The following TMEM17 variants were observed in gnomAD, a reference collection of about 807,000 sequenced individuals.
TMEM17 encodes the protein transmembrane protein 17.
In TMEM17, 15 loss-of-function variants were observed where a neutral mutation model predicts 19.1. The observed-to-expected ratio is 0.78, with a 90% CI of 0.52 to 1.21. The LOEUF is 1.21. Ranked by LOEUF, TMEM17 falls within the 50% of genes most tolerant of loss-of-function variation. The pLI is 0.00. For missense variants in TMEM17, 245 were observed against 242.3 expected (o/e 1.01, Z -0.07); for synonymous variants, 103 against 86.9 (o/e 1.19, Z -1.03).
At chr2:62,504,851 A>G (rs1207764026) in intron 1 of TMEM17, among the ~76,000 whole-genome samples, 1 of 152,230 alleles carries the variant, frequency 6.6e-6, no homozygotes, top group Non-Finnish European at 1.5e-5. Flanking sequence ...TTTTATTGGA[A>G]CACAGCCCTG....
chr2:62,477,760 T>C, the TMEM17 span, among the ~76,000 whole-genome samples: 1 of 152,226 alleles, frequency 6.6e-6, no homozygotes, highest in Non-Finnish European at 1.5e-5. Context: ...ACTTGACCCT[T>C]GGAATGACTG....
At chr2:62,458,846 C>T in the TMEM17 span, among the ~76,000 whole-genome samples, 1 of 152,164 alleles carries the variant, frequency 6.6e-6, no homozygotes. Flanking sequence ...TGTTTGTCCT[C>T]TCTAATCAAA....
At position 62,506,012 on chromosome 2, in the gene TMEM17, C is replaced by T. The variant is rs532559836; in HGVS notation, c.100+18G>A. On this transcript the variant is annotated intron_variant, in intron 1 of 3. Coordinates refer to ENST00000335390, the MANE Select transcript of TMEM17 (RefSeq NM_198276.3). ...CCTCGGCAGGCCACACCCCCTGCAC[C>T]GGGCCTCGGTCACTCACCCGGACCC... The T allele has an allele frequency of 6.3e-6, 10 of 1,599,118 alleles. No homozygotes were observed. In the African/African-American group the frequency reaches 1.2e-4, roughly 19 times the overall value.
At chr2:62,469,397 C>T in the TMEM17 span, among the ~76,000 whole-genome samples, 4 of 152,230 alleles carry the variant, frequency 2.6e-5, no homozygotes, top group African/African-American at 9.6e-5. Context: ...TTTCAAACTG[C>T]ATGGGCTCAT....
At chr2:62,466,844 T>C in the TMEM17 span, among the ~76,000 whole-genome samples, 2 of 152,204 alleles carry the variant, frequency 1.3e-5, no homozygotes, top group African/African-American at 2.4e-5. Context: ...GTGGCTCAAC[T>C]GCTCAGCTGC....
At chr2:62,482,028 C>T in the TMEM17 span, among the ~76,000 whole-genome samples, 1 of 152,158 alleles carries the variant, frequency 6.6e-6, no homozygotes. Flanking sequence ...GTTGGAGAAG[C>T]TGAAGAAGGA....
At chr2:62,470,272 C>G in the TMEM17 span, among the ~76,000 whole-genome samples, 2 of 152,130 alleles carry the variant, frequency 1.3e-5, no homozygotes, top group South Asian at 4.1e-4. Flanking sequence ...AGTTCCTCTT[C>G]CAAATCACAG....
At chr2:62,474,391 G>T in the TMEM17 span, among the ~76,000 whole-genome samples, 1 of 152,132 alleles carries the variant, frequency 6.6e-6, no homozygotes, top group Non-Finnish European at 1.5e-5. Context: ...CTCTCCCAAA[G>T]CTCAGCCCAC....
downstream of TMEM17, among the ~76,000 whole-genome samples, chr2:62,497,466 T>A (rs1558720245): frequency 6.6e-6 from 1 of 152,210 alleles, no homozygotes; most frequent in Non-Finnish European, 1.5e-5. Flanking sequence ...ACAAACTAGT[T>A]GTAGTAGTTG....
the TMEM17 span, among the ~76,000 whole-genome samples, chr2:62,477,915 G>A: frequency 6.6e-6 from 1 of 152,220 alleles, no homozygotes; most frequent in Admixed American, 6.5e-5. Context: ...TGTAGTGGCA[G>A]CTCCTGGAAC....
At chr2:62,474,050 G>A in the TMEM17 span, among the ~76,000 whole-genome samples, 1 of 152,146 alleles carries the variant, frequency 6.6e-6, no homozygotes, top group East Asian at 1.9e-4. Context: ...GAGTGGTGGG[G>A]TGGAGAGGCC....
chr2:62,503,556 A>C (rs1240547128), intron 1 of TMEM17, among the ~76,000 whole-genome samples: 2 of 152,232 alleles, frequency 1.3e-5, no homozygotes, highest in African/African-American at 4.8e-5. Flanking sequence ...CTATTTCTTC[A>C]TCTGTAAAAT....
chr2:62,484,226 A>G, the TMEM17 span, among the ~76,000 whole-genome samples: 4 of 152,234 alleles, frequency 2.6e-5, no homozygotes, highest in Admixed American at 1.3e-4. Context: ...ACTTTCTGCA[A>G]TGGTGGGAAC....
the TMEM17 span, among the ~76,000 whole-genome samples, chr2:62,465,253 C>T: frequency 2.6e-5 from 4 of 152,080 alleles, no homozygotes; most frequent in South Asian, 2.1e-4. Flanking sequence ...TCTCTTTCAC[C>T]GCCTCAGTTA....
downstream of TMEM17, among the ~76,000 whole-genome samples, chr2:62,495,939 A>G (rs751384766): frequency 1.8e-4 from 27 of 152,188 alleles, no homozygotes; most frequent in Non-Finnish European, 3.1e-4. Context: ...TCCCAACTCA[A>G]TGACCCAGTT....
chr2:62,498,562 A>C (rs1679831032), downstream of TMEM17, among the ~76,000 whole-genome samples: 1 of 148,598 alleles, frequency 6.7e-6, no homozygotes, highest in South Asian at 2.1e-4. Flanking sequence ...TAAAAATACA[A>C]AAAATTAGCC....
the TMEM17 span, among the ~76,000 whole-genome samples, chr2:62,453,753 A>AG: frequency 3.9e-5 from 6 of 152,214 alleles, no homozygotes; most frequent in African/African-American, 1.4e-4. Context: ...GTCATTTTGC[A>AG]GGGGAGACCA....
downstream of TMEM17, among the ~76,000 whole-genome samples, chr2:62,499,085 T>G (rs1053551536): frequency 2.0e-5 from 3 of 152,170 alleles, no homozygotes; most frequent in Non-Finnish European, 4.4e-5. Context: ...ATTTACTATC[T>G]TTTTTCCCCC....
At chr2:62,502,619 T>G in intron 2 of TMEM17, 69 bp from the exon 3 acceptor site, 1 of 1,111,216 alleles carries the variant, frequency 9.0e-7, no homozygotes. Flanking sequence ...ATAGAAAAAA[T>G]TATTAAGAAC....
Sources: allele counts gnomAD v4.1 joint callset (sites outside exome capture counted in the v4.1 genomes callset), GRCh38; gene constraint gnomAD v4.1.1; transcripts MANE v1.5; gene names NCBI Gene and HGNC (gene_info 2026-07-23, HGNC 2026-07-21).